The following CABCOCO1 variants were observed in gnomAD, a reference collection of about 807,000 sequenced individuals.
CABCOCO1 encodes ciliary associated calcium binding coiled-coil 1.
Under a neutral mutation model 35.7 loss-of-function variants are expected in CABCOCO1, and 28 were observed. The ratio of observed to expected loss-of-function variants is 0.78; its 90% CI spans 0.58 to 1.07. The LOEUF (loss-of-function observed/expected upper bound fraction) is 1.07. CABCOCO1 is among the 50% of genes least tolerant of loss of function. CABCOCO1 has a pLI of 0.00. For synonymous variants in CABCOCO1, 95 were observed against 100.1 expected (o/e 0.95, Z 0.30); for missense variants, 326 against 309.2 (o/e 1.05, Z -0.41).
intron 5 of CABCOCO1, among the ~76,000 whole-genome samples, chr10:61,732,567 C>T (rs970655652): frequency 1.3e-5 from 2 of 151,990 alleles, no homozygotes; most frequent in Non-Finnish European, 2.9e-5. Flanking sequence ...ATCCTTTTGG[C>T]AAAACTGAAA....
chr10:61,714,739 A>G (rs1840818089), intron 5 of CABCOCO1, among the ~76,000 whole-genome samples: 1 of 152,140 alleles, frequency 6.6e-6, no homozygotes, highest in African/African-American at 2.4e-5. Flanking sequence ...GTCAAAGAAC[A>G]TCTTTATTTC....
intron 2 of CABCOCO1, among the ~76,000 whole-genome samples, chr10:61,676,309 C>T (rs1173019823): frequency 6.6e-6 from 1 of 152,056 alleles, no homozygotes; most frequent in Non-Finnish European, 1.5e-5. Flanking sequence ...CAACAAAAAA[C>T]TGCCAATGAG....
At chr10:61,681,930 T>C (rs1839804551) in intron 3 of CABCOCO1, among the ~76,000 whole-genome samples, 1 of 152,138 alleles carries the variant, frequency 6.6e-6, no homozygotes, top group Admixed American at 6.5e-5. Flanking sequence ...GGGCAACAGA[T>C]ATTGGAGGAA....
chr10:61,738,135 T>C (rs894739361), intron 5 of CABCOCO1, among the ~76,000 whole-genome samples: 1 of 151,570 alleles, frequency 6.6e-6, no homozygotes, highest in African/African-American at 2.4e-5. Context: ...ATCTCTAGTT[T>C]TTAAATGCCC....
chr10:61,716,117 A>G (rs1840859336), intron 5 of CABCOCO1, among the ~76,000 whole-genome samples: 1 of 152,128 alleles, frequency 6.6e-6, no homozygotes, highest in African/African-American at 2.4e-5. Context: ...GATGATATAA[A>G]ATTATAAGAA....
intron 4 of CABCOCO1, among the ~76,000 whole-genome samples, chr10:61,687,329 A>C (rs143056579): frequency 4.9e-4 from 74 of 152,302 alleles, no homozygotes; most frequent in African/African-American, 1.7e-3. Flanking sequence ...GGTAATCCAA[A>C]ATTGGAGGAG....
chr10:61,690,870 G>A (rs72821790), intron 5 of CABCOCO1, among the ~76,000 whole-genome samples: 14,258 of 152,040 alleles, frequency 0.094, 883 homozygotes, highest in Middle Eastern at 0.17. Context: ...ATTTGACAAA[G>A]TTCAATTGGA....
chr10:61,668,230 C>T (rs1288768195), intron 1 of CABCOCO1, among the ~76,000 whole-genome samples: 1 of 151,748 alleles, frequency 6.6e-6, no homozygotes, highest in Non-Finnish European at 1.5e-5. Context: ...TGTTTTAGTA[C>T]ATTTTAAAAT....
At chr10:61,747,840 G>T (rs1841696631) in intron 5 of CABCOCO1, among the ~76,000 whole-genome samples, 1 of 152,026 alleles carries the variant, frequency 6.6e-6, no homozygotes, top group South Asian at 2.1e-4. Flanking sequence ...TAACATACTG[G>T]GCCAGATTCA....
At chr10:61,682,882 TGA>T in intron 3 of CABCOCO1, among the ~76,000 whole-genome samples, 1 of 115,546 alleles carries the variant, frequency 8.7e-6, no homozygotes, top group East Asian at 2.1e-4. Context: ...TAGTTTCACA[TGA>T]ATTTCTTTTT....
chr10:61,692,272 G>T (rs1840169241), intron 5 of CABCOCO1, among the ~76,000 whole-genome samples: 1 of 152,098 alleles, frequency 6.6e-6, no homozygotes, highest in South Asian at 2.1e-4. Context: ...TCATATGTTC[G>T]TTGGCCACAT....
At chr10:61,727,711 T>A (rs1440121083) in intron 5 of CABCOCO1, among the ~76,000 whole-genome samples, 2 of 152,222 alleles carry the variant, frequency 1.3e-5, no homozygotes, top group African/African-American at 2.4e-5. Flanking sequence ...TTGGGAACAT[T>A]TTATAATTTT....
chr10:61,701,948 AT>A, intron 5 of CABCOCO1: 2 of 338,284 alleles, frequency 5.9e-6, no homozygotes, highest in Non-Finnish European at 8.4e-6. Flanking sequence ...TCTAGGGAGG[AT>A]TTTTACTAAA....
chr10:61,663,377 T>G (rs2054164), intron 1 of CABCOCO1, among the ~76,000 whole-genome samples: 19,317 of 150,900 alleles, frequency 0.13, 1,483 homozygotes, highest in East Asian at 0.2. Flanking sequence ...TTTCATGTTT[T>G]TTTTTTTTTT....
rs147134907 is a variant in CABCOCO1 at position 61,706,359 on chromosome 10, A to T, written c.552+15738A>T. Among the ~76,000 whole-genome samples, 35 of 152,348 alleles carry T rather than the reference A, an allele frequency of 2.3e-4. No individual in the cohort carries two copies. In the East Asian group the frequency reaches 3.9e-3, roughly 17 times the overall value. ...TAATGAATGTTTTTGAAATAATATG[A>T]TCATTAAATGCAAATGAGCATAACT... On this transcript the variant is annotated intron_variant, in intron 5 of 7. Coordinates refer to ENST00000648843, the MANE Select transcript of CABCOCO1 (RefSeq NM_001366906.2).
At chr10:61,702,462 T>G (rs996419579) in intron 5 of CABCOCO1, among the ~76,000 whole-genome samples, 1 of 152,124 alleles carries the variant, frequency 6.6e-6, no homozygotes, top group African/African-American at 2.4e-5. Flanking sequence ...ACAGTTGGAG[T>G]GGATAAATGC....
chr10:61,687,282 T>C (rs1651452483), intron 4 of CABCOCO1, among the ~76,000 whole-genome samples: 1 of 152,188 alleles, frequency 6.6e-6, no homozygotes, highest in Admixed American at 6.5e-5. Context: ...TCATATCAAT[T>C]AAAGCAAAGC....
At chr10:61,701,841 A>G in intron 5 of CABCOCO1, 1 of 951,494 alleles carries the variant, frequency 1.1e-6, no homozygotes, top group Non-Finnish European at 1.3e-6. Flanking sequence ...TTCAGAGTGG[A>G]TATAACTGTC....
At chr10:61,699,907 T>C (rs1840405135) in intron 5 of CABCOCO1, among the ~76,000 whole-genome samples, 1 of 152,142 alleles carries the variant, frequency 6.6e-6, no homozygotes, top group Non-Finnish European at 1.5e-5. Context: ...ATTCACCTAG[T>C]GTTCAATAAT....
Sources: allele counts gnomAD v4.1 joint callset (sites outside exome capture counted in the v4.1 genomes callset), GRCh38; gene constraint gnomAD v4.1.1; transcripts MANE v1.5; gene names NCBI Gene and HGNC (gene_info 2026-07-23, HGNC 2026-07-21).